BRINP3: variants seen among roughly 807,000 people sequenced by gnomAD.
BRINP3 encodes BMP/retinoic acid inducible neural specific 3, also known as BMP/retinoic acid-inducible neural-specific protein 3.
BRINP3 carries 19 observed loss-of-function variants against 71.0 expected under a neutral mutation model. The ratio of observed to expected loss-of-function variants is 0.27; its 90% CI spans 0.19 to 0.39. The LOEUF (loss-of-function observed/expected upper bound fraction) is 0.39, where lower values mean the gene tolerates loss of function less well. Ranked by LOEUF, BRINP3 falls within the 10% of genes least tolerant of loss-of-function variation. The pLI is 1.00. For synonymous variants in BRINP3, 380 were observed against 337.7 expected (o/e 1.13, Z -1.37); for missense variants, 959 against 940.8 (o/e 1.02, Z -0.25).
At chr1:190,173,293 G>A (rs1002595739) in intron 6 of BRINP3, among the ~76,000 whole-genome samples, 3 of 152,140 alleles carry the variant, frequency 2.0e-5, no homozygotes, top group African/African-American at 7.2e-5. Context: ...TGAGACAAAA[G>A]CAAGAATCTG....
At chr1:190,361,915 G>A (rs1446027940) in intron 2 of BRINP3, 1 of 152,118 alleles carries the variant, frequency 6.6e-6, no homozygotes, top group Non-Finnish European at 1.5e-5. Context: ...AACCTTCAAT[G>A]TGTCTGTATT....
chr1:190,304,191 G>T (rs1336928872), intron 2 of BRINP3, among the ~76,000 whole-genome samples: 1 of 151,588 alleles, frequency 6.6e-6, no homozygotes, highest in Non-Finnish European at 1.5e-5. Flanking sequence ...TCATTAAAAT[G>T]TTTCTTTTTT....
At chr1:190,140,224 T>C (rs1052482367) in intron 7 of BRINP3, among the ~76,000 whole-genome samples, 4 of 152,206 alleles carry the variant, frequency 2.6e-5, no homozygotes, top group African/African-American at 9.6e-5. Context: ...CTTGCAAATA[T>C]TGTTCATGTT....
rs570002880 is a variant in BRINP3, at chr1:190,407,839, C to T, written c.236+46816G>A. ...CAATATCACATGAACACCTAAAGCCCTGTATTATATACAAATTTATTACGT... is the reference window on the plus strand; with the variant it reads ...CAATATCACATGAACACCTAAAGCCTTGTATTATATACAAATTTATTACGT... On this transcript the variant is annotated intron_variant, in intron 2 of 7. Coordinates refer to ENST00000367462, the MANE Select transcript of BRINP3 (RefSeq NM_199051.3). Among the ~76,000 whole-genome samples, 5 of 152,086 alleles carry T rather than the reference C, an allele frequency of 3.3e-5. No homozygotes were observed. The South Asian group carries it at 8.3e-4, about 25-fold the overall frequency.
chr1:190,431,635 G>T (rs1674106222), intron 2 of BRINP3, among the ~76,000 whole-genome samples: 1 of 152,126 alleles, frequency 6.6e-6, no homozygotes. Context: ...GGGATTACAG[G>T]TGTGAGCCTG....
At chr1:190,457,755 A>G (rs530774708) in intron 1 of BRINP3, among the ~76,000 whole-genome samples, 1 of 152,270 alleles carries the variant, frequency 6.6e-6, no homozygotes, top group Non-Finnish European at 1.5e-5. Context: ...TTTTTGTAAT[A>G]CACAAAGTGT....
At chr1:190,414,333 C>G (rs796115134) in intron 2 of BRINP3, among the ~76,000 whole-genome samples, 188 of 151,288 alleles carry the variant, frequency 1.2e-3, no homozygotes, top group African/African-American at 4.6e-3. Context: ...GAATAAATCA[C>G]TGTGTTTTTT....
rs148993645 is a variant in BRINP3, at chr1:190,355,962, G to T, written c.237-74212C>A. Reference sequence around the variant, plus strand: ...CGAGATAGCTAGGTAGCTAGCATCTGTCTATGCATATGCCTATGTCCCATC... The same window carrying T: ...CGAGATAGCTAGGTAGCTAGCATCTTTCTATGCATATGCCTATGTCCCATC... On this transcript the variant is annotated intron_variant, in intron 2 of 7. Coordinates refer to ENST00000367462, the MANE Select transcript of BRINP3 (RefSeq NM_199051.3). Among the ~76,000 whole-genome samples, 447 of 151,970 alleles carry T rather than the reference G, an allele frequency of 2.9e-3. 1 individual carries two copies. The highest frequency in any genetic ancestry group is 5.6e-3 in the Non-Finnish European group (377 of 67,860).
At chr1:190,132,428 G>A (rs938169821) in intron 7 of BRINP3, among the ~76,000 whole-genome samples, 1 of 151,994 alleles carries the variant, frequency 6.6e-6, no homozygotes, top group Non-Finnish European at 1.5e-5. Context: ...ATATTGGGTT[G>A]TAGTAAAACT....
At chr1:190,224,148 T>C (rs796211614) in intron 6 of BRINP3, among the ~76,000 whole-genome samples, 25 of 151,690 alleles carry the variant, frequency 1.6e-4, no homozygotes, top group African/African-American at 4.8e-4. Context: ...TTATAAAATA[T>C]GTGCAGGACA....
At chr1:190,451,170 G>A (rs984385403) in intron 2 of BRINP3, among the ~76,000 whole-genome samples, 1 of 139,310 alleles carries the variant, frequency 7.2e-6, no homozygotes, top group Non-Finnish European at 1.6e-5. Context: ...ACCAAAGAAT[G>A]GTAGAAGTTA....
At chr1:190,219,992 T>C (rs934029523) in intron 6 of BRINP3, among the ~76,000 whole-genome samples, 4 of 151,750 alleles carry the variant, frequency 2.6e-5, no homozygotes, top group African/African-American at 9.7e-5. Flanking sequence ...ATTGAAGAAT[T>C]ATTGGTATTC....
Position 190,214,813 on chromosome 1 carries a change from T to A in BRINP3, c.961+11269A>T, listed in dbSNP as rs144364571. Among the ~76,000 whole-genome samples the A allele has an allele frequency of 6.3e-3, 953 of 152,052 alleles. 7 individuals carry two copies. Among genetic ancestry groups the A allele is most frequent in the Non-Finnish European group, 0.011 (725 of 67,928 alleles). On this transcript the variant is annotated intron_variant, in intron 6 of 7. Coordinates refer to ENST00000367462, the MANE Select transcript of BRINP3 (RefSeq NM_199051.3). ...TAACTCAAGGATTTGGGGAATTCTT[T>A]ACTACTGCAGGATTACCTAGCCTGT... is the stretch of plus-strand genomic sequence containing the variant.
At chr1:190,350,364 A>G (rs1177827248) in intron 2 of BRINP3, among the ~76,000 whole-genome samples, 2 of 152,124 alleles carry the variant, frequency 1.3e-5, no homozygotes, top group African/African-American at 4.8e-5. Context: ...CCTAAAAAGT[A>G]CAAACTACTG....
chr1:190,375,201 G>A (rs1210633712), intron 2 of BRINP3, among the ~76,000 whole-genome samples: 1 of 151,822 alleles, frequency 6.6e-6, no homozygotes, highest in Non-Finnish European at 1.5e-5. Flanking sequence ...CTCACACTAA[G>A]AAACGCAAAT....
At chr1:190,255,808 C>G (rs563339939) in intron 4 of BRINP3, among the ~76,000 whole-genome samples, 4 of 151,990 alleles carry the variant, frequency 2.6e-5, no homozygotes, top group Non-Finnish European at 5.9e-5. Context: ...TTAGTTATTT[C>G]TTGTCTTCTG....
chr1:190,118,517 T>G (rs1467311926), intron 7 of BRINP3, among the ~76,000 whole-genome samples: 1 of 152,208 alleles, frequency 6.6e-6, no homozygotes, highest in Non-Finnish European at 1.5e-5. Flanking sequence ...CTCGCCTTTA[T>G]TAACTCACGT....
intron 2 of BRINP3, among the ~76,000 whole-genome samples, chr1:190,445,006 C>T (rs1675114730): frequency 6.6e-6 from 1 of 151,876 alleles, no homozygotes; most frequent in Non-Finnish European, 1.5e-5. Context: ...AGTTCATGAA[C>T]AAATATTACC....
intron 6 of BRINP3, among the ~76,000 whole-genome samples, chr1:190,224,146 T>G (rs769203962): frequency 3.1e-4 from 47 of 151,444 alleles, no homozygotes; most frequent in Non-Finnish European, 5.3e-4. Flanking sequence ...AATTATAAAA[T>G]ATGTGCAGGA....
Sources: gnomAD v4.1 joint callset for allele counts (sites outside exome capture counted in the v4.1 genomes callset) on GRCh38, gnomAD v4.1.1 for gene constraint, MANE v1.5 for transcripts, NCBI Gene and HGNC (gene_info 2026-07-23, HGNC 2026-07-21) for gene names.